Variants in SLC25A48 observed in about 807,000 individuals in gnomAD.
SLC25A48 encodes solute carrier family 25 member 48.
In SLC25A48, 29 loss-of-function variants were observed where a neutral mutation model predicts 32.2. The observed-to-expected ratio is 0.90, with a 90% CI of 0.67 to 1.23. The LOEUF is 1.23. Among genes scored for constraint, SLC25A48 ranks in the 50% most tolerant of loss-of-function variants. SLC25A48 has a pLI of 0.00. For synonymous variants in SLC25A48, 164 were observed against 172.3 expected, an observed-to-expected ratio of 0.95 and a Z score of 0.38; for missense variants, 399 against 422.7, an observed-to-expected ratio of 0.94 and a Z score of 0.49.
intron 1 of SLC25A48, among the ~76,000 whole-genome samples, chr5:135,617,486 T>G (rs1166559198): frequency 1.3e-5 from 2 of 152,064 alleles, no homozygotes; most frequent in Non-Finnish European, 2.9e-5. Context: ...ATTTCTTTTC[T>G]TCTACTAATT....
At chr5:135,841,740 A>T (rs972166284) in intron 1 of SLC25A48, among the ~76,000 whole-genome samples, 1 of 152,072 alleles carries the variant, frequency 6.6e-6, no homozygotes, top group East Asian at 1.9e-4. Context: ...GAAGATAAGG[A>T]TTACTTCATT....
intron 3 of SLC25A48, among the ~76,000 whole-genome samples, chr5:135,687,903 A>G (rs1274636907): frequency 6.6e-6 from 1 of 152,188 alleles, no homozygotes; most frequent in Non-Finnish European, 1.5e-5. Flanking sequence ...AAATTGTGGT[A>G]AAATGCACAT....
At chr5:135,656,167 C>T (rs570564191) in intron 3 of SLC25A48, among the ~76,000 whole-genome samples, 6 of 152,258 alleles carry the variant, frequency 3.9e-5, no homozygotes, top group East Asian at 3.9e-4. Flanking sequence ...AAAATAAGCT[C>T]GGCTTCAAGA....
intron 3 of SLC25A48, among the ~76,000 whole-genome samples, chr5:135,679,895 A>G (rs1385444606): frequency 6.6e-6 from 1 of 152,166 alleles, no homozygotes; most frequent in African/African-American, 2.4e-5. Flanking sequence ...CAATGCCTTC[A>G]CATGGTCTCC....
chr5:135,699,030 C>T (rs76073682), intron 3 of SLC25A48, among the ~76,000 whole-genome samples: 5,145 of 152,192 alleles, frequency 0.034, 302 homozygotes, highest in African/African-American at 0.12. Context: ...ATAAAAAGGA[C>T]GGGTAACACC....
At position 135,871,684 on chromosome 5, in the gene SLC25A48, C is replaced by A; in HGVS notation, c.645C>A (p.Ser215Arg). Residue 215 changes from serine to arginine, a missense_variant, in exon 5 of 8, where the codon AGC (serine) becomes AGA (arginine). By Grantham distance (110) the Ser-to-Arg change is moderately radical. Coordinates refer to ENST00000681962, the MANE Select transcript of SLC25A48 (RefSeq NM_001349336.2). ...CACCTGAGGCCTGCACAGGCCCCAGCCCCTGTGCCGTGTGGCTGGCGGGCG... is the reference window on the plus strand; with the variant it reads ...CACCTGAGGCCTGCACAGGCCCCAGACCCTGTGCCGTGTGGCTGGCGGGCG... ...WITPEACTGP[S>R]PCAVWLAGGM... 3.7e-6 allele frequency: 6 copies of A among 1,613,864 alleles called. No individual in the cohort carries two copies. Among genetic ancestry groups the A allele is most frequent in the South Asian group, 1.1e-5 (1 of 91,020 alleles).
At position 135,879,601 on chromosome 5, in the gene SLC25A48, A is replaced by AGTGTGTGTGT. The variant is rs1289206321; in HGVS notation, c.814-366_814-365insTGTGTGTGTG. 3.7e-5 allele frequency among the ~76,000 whole-genome samples: 5 copies of AGTGTGTGTGT among 133,942 alleles called. No individual in the cohort carries two copies. In the East Asian group the frequency reaches 7.8e-4, roughly 21 times the overall value. The allele number at this position is 133,942 out of a possible 152,430, so 87.9% of individuals were successfully genotyped here. On this transcript the variant is annotated intron_variant, in intron 6 of 7. Coordinates refer to ENST00000681962, the MANE Select transcript of SLC25A48 (RefSeq NM_001349336.2). The stretch of plus-strand genomic sequence containing the variant: ...TTCCCGAGGAGAGAGAGAGAGAGAG[A>AGTGTGTGTGT]GAGAGAGAGAGTGTGTGTGTGTGTG...
At chr5:135,840,576 C>G (rs1758908688) in intron 1 of SLC25A48, among the ~76,000 whole-genome samples, 1 of 152,192 alleles carries the variant, frequency 6.6e-6, no homozygotes, top group African/African-American at 2.4e-5. Context: ...CCCATTTCCA[C>G]CTCTTCCCAG....
At chr5:135,665,672 A>G (rs1056004721) in intron 3 of SLC25A48, among the ~76,000 whole-genome samples, 5 of 152,044 alleles carry the variant, frequency 3.3e-5, no homozygotes, top group African/African-American at 1.2e-4. Context: ...CATTTATTAA[A>G]TAAGGTGTCC....
chr5:135,845,889 G>A lies in SLC25A48; in HGVS notation c.90+3430G>A, dbSNP rs78984961. On this transcript the variant is annotated intron_variant, in intron 2 of 7. Coordinates refer to ENST00000681962, the MANE Select transcript of SLC25A48 (RefSeq NM_001349336.2). ...CCTTGGCTGCGTGGTCTTAGGTTGA[G>A]GAGGCCTGGCTGGTGCCTATGTCTG... Among the ~76,000 whole-genome samples the A allele has an allele frequency of 1.3e-3, 194 of 152,308 alleles. 4 individuals are homozygous for A. In the East Asian group the frequency reaches 0.033, roughly 26 times the overall value.
intron 1 of SLC25A48, among the ~76,000 whole-genome samples, chr5:135,625,877 A>T (rs930003934): frequency 6.6e-6 from 1 of 152,156 alleles, no homozygotes; most frequent in Non-Finnish European, 1.5e-5. Flanking sequence ...AAGGGGCAGG[A>T]GTGGACACAT....
chr5:135,719,851 A>G (rs1426881508), intron 3 of SLC25A48, among the ~76,000 whole-genome samples: 1 of 152,088 alleles, frequency 6.6e-6, no homozygotes, highest in African/African-American at 2.4e-5. Context: ...CCTCGCTGCC[A>G]TCTCCTGCAG....
chr5:135,624,329 G>C, intron 1 of SLC25A48, among the ~76,000 whole-genome samples: 1 of 152,088 alleles, frequency 6.6e-6, no homozygotes, highest in Non-Finnish European at 1.5e-5. Flanking sequence ...CTAATGGAGA[G>C]GCAAAAATAT....
chr5:135,666,283 C>A (rs1386508617), intron 3 of SLC25A48, among the ~76,000 whole-genome samples: 1 of 152,188 alleles, frequency 6.6e-6, no homozygotes, highest in Non-Finnish European at 1.5e-5. Flanking sequence ...TGCACTGAAC[C>A]ACTAGAGGAG....
intron 2 of SLC25A48, among the ~76,000 whole-genome samples, chr5:135,846,378 G>A (rs1276502372): frequency 3.3e-5 from 5 of 152,182 alleles, no homozygotes; most frequent in African/African-American, 4.8e-5. Flanking sequence ...GGGGGTTCTT[G>A]TTTTGCTTCA....
At chr5:135,711,920 C>A (rs1754675316) in intron 3 of SLC25A48, among the ~76,000 whole-genome samples, 1 of 151,946 alleles carries the variant, frequency 6.6e-6, no homozygotes, top group East Asian at 1.9e-4. Context: ...TCACTGGCCC[C>A]CCTGCCTCTA....
intron 3 of SLC25A48, among the ~76,000 whole-genome samples, chr5:135,689,674 C>T (rs753206299): frequency 2.6e-5 from 4 of 152,128 alleles, no homozygotes; most frequent in Non-Finnish European, 4.4e-5. Context: ...TCCATTGTGC[C>T]GACTCATTTC....
chr5:135,716,089 C>T (rs1754789196), intron 3 of SLC25A48, among the ~76,000 whole-genome samples: 1 of 152,172 alleles, frequency 6.6e-6, no homozygotes, highest in Non-Finnish European at 1.5e-5. Flanking sequence ...CCCTTGTCAC[C>T]TGGTGGTGTA....
intron 3 of SLC25A48, among the ~76,000 whole-genome samples, chr5:135,727,992 A>T (rs1755128839): frequency 6.6e-6 from 1 of 152,160 alleles, no homozygotes; most frequent in Non-Finnish European, 1.5e-5. Context: ...ACGGTGGCTC[A>T]CACCTGTAAA....
Sources: allele counts gnomAD v4.1 joint callset (sites outside exome capture counted in the v4.1 genomes callset), GRCh38; gene constraint gnomAD v4.1.1; transcripts MANE v1.5; gene names NCBI Gene and HGNC (gene_info 2026-07-23, HGNC 2026-07-21).